The following NDUFAF5 variants were observed in gnomAD, a reference collection of about 807,000 sequenced individuals.
The protein encoded by NDUFAF5 is arginine-hydroxylase NDUFAF5, mitochondrial.
NDUFAF5 carries 34 observed loss-of-function variants against 48.9 expected under a neutral mutation model. The ratio of observed to expected loss-of-function variants is 0.70; its 90% CI spans 0.53 to 0.93. The LOEUF (loss-of-function observed/expected upper bound fraction) is 0.93, where lower values mean the gene tolerates loss of function less well. Ranked by LOEUF, NDUFAF5 falls within the 40% of genes least tolerant of loss-of-function variation. The probability of loss-of-function intolerance (pLI) is 0.00; values close to 1 mark genes in which losing one functional copy is unlikely to be tolerated. For synonymous variants in NDUFAF5, 153 were observed against 150.6 expected (o/e 1.02, Z -0.12); for missense variants, 428 against 427.5 (o/e 1.00, Z -0.01).
intron 3 of NDUFAF5, among the ~76,000 whole-genome samples, chr20:13,789,599 C>T (rs1193699551): frequency 1.3e-5 from 2 of 152,140 alleles, no homozygotes; most frequent in African/African-American, 4.8e-5. Flanking sequence ...CCTCAGCCTC[C>T]CGAGTACCTG....
At chr20:13,809,590 A>G (rs1392764253) in intron 8 of NDUFAF5, among the ~76,000 whole-genome samples, 1 of 152,222 alleles carries the variant, frequency 6.6e-6, no homozygotes, top group Non-Finnish European at 1.5e-5. Flanking sequence ...TGAGTCACAG[A>G]TCAAATGCAG....
intron 8 of NDUFAF5, among the ~76,000 whole-genome samples, chr20:13,809,294 T>A (rs1184099277): frequency 6.6e-6 from 1 of 152,050 alleles, no homozygotes; most frequent in Non-Finnish European, 1.5e-5. Flanking sequence ...TGAAGGTAGT[T>A]GAGTTGGTTT....
chr20:13,798,426 TTAAGC>T (rs1218294951), intron 5 of NDUFAF5, 30 bp from the exon 6 acceptor site: 2 of 1,536,272 alleles, frequency 1.3e-6, no homozygotes, highest in African/African-American at 2.7e-5. Context: ...ATTGTGCCAG[TTAAGC>T]TAAAACAAAT....
chr20:13,808,194 G>C (rs1730522835), intron 7 of NDUFAF5, among the ~76,000 whole-genome samples: 4 of 151,968 alleles, frequency 2.6e-5, no homozygotes, highest in Admixed American at 2.6e-4. Flanking sequence ...TCCTTTCTTT[G>C]GCCAAAAGAA....
rs1042487275 is a variant in NDUFAF5, at chr20:13,801,795, C to G, written c.717+112C>G. 6 of 920,728 alleles carry G rather than the reference C, an allele frequency of 6.5e-6. No homozygotes were observed. In the African/African-American group the frequency reaches 8.3e-5, roughly 13 times the overall value. 57.0% of individuals were successfully genotyped at this position (920,728 alleles called of 1,614,324 possible). A position where few individuals can be genotyped will look rare whatever the true frequency, so the allele number is the denominator to read the frequency against. On this transcript the variant is annotated intron_variant, in intron 7 of 10. Transcript: ENST00000378106. Reference sequence around the variant, plus strand: ...CATGGTTTCATGGCACTCTTTCTCTCCCTTTTTTTTTCTCTTTTTAAGGGA... The same window carrying G: ...CATGGTTTCATGGCACTCTTTCTCTGCCTTTTTTTTTCTCTTTTTAAGGGA...
At chr20:13,814,181 A>T (rs1304572886) in intron 8 of NDUFAF5, 6 of 330,538 alleles carry the variant, frequency 1.8e-5, no homozygotes, top group Non-Finnish European at 3.6e-5. Flanking sequence ...CCTGATTTGT[A>T]TGCTGAAATC....
chr20:13,802,490 G>GA (rs1984321407), intron 7 of NDUFAF5, among the ~76,000 whole-genome samples: 1 of 152,018 alleles, frequency 6.6e-6, no homozygotes, highest in African/African-American at 2.4e-5. Flanking sequence ...CCAACGTAGT[G>GA]AAACCCCGTC....
chr20:13,813,903 A>AT (rs780158798), intron 8 of NDUFAF5, among the ~76,000 whole-genome samples: 36 of 152,046 alleles, frequency 2.4e-4, no homozygotes, highest in Admixed American at 8.5e-4. Context: ...AGGCTTCTAG[A>AT]TTTTTTTCAG....
At chr20:13,789,288 C>G (rs1273933556) in intron 3 of NDUFAF5, among the ~76,000 whole-genome samples, 1 of 151,854 alleles carries the variant, frequency 6.6e-6, no homozygotes, top group Non-Finnish European at 1.5e-5. Context: ...CCGCAGCCTC[C>G]CAAGTAGCTG....
intron 5 of NDUFAF5, among the ~76,000 whole-genome samples, chr20:13,796,795 G>A (rs550524793): frequency 1.3e-5 from 2 of 152,260 alleles, no homozygotes; most frequent in African/African-American, 2.4e-5. Context: ...CCTGGGCTAC[G>A]TGGTGAAACC....
intron 7 of NDUFAF5, among the ~76,000 whole-genome samples, chr20:13,804,855 C>T (rs8116555): frequency 0.03 from 4,524 of 152,126 alleles, 227 homozygotes; most frequent in African/African-American, 0.1. Flanking sequence ...AACTTTAGAC[C>T]GTTCAATAAT....
intron 6 of NDUFAF5, among the ~76,000 whole-genome samples, chr20:13,799,476 A>C (rs1488218581): frequency 1.3e-5 from 2 of 152,116 alleles, no homozygotes; most frequent in African/African-American, 4.8e-5. Flanking sequence ...AGGTGGTTGC[A>C]TCACCTGAGG....
At position 13,804,601 on chromosome 20, in the gene NDUFAF5, C is replaced by T. The variant is rs1984724704; in HGVS notation, c.717+2918C>T. Among the ~76,000 whole-genome samples, 6 of 152,252 alleles carry T rather than the reference C, an allele frequency of 3.9e-5. No individual in the cohort carries two copies. The South Asian group carries it at 1.2e-3, about 32-fold the overall frequency. On this transcript the variant is annotated intron_variant, in intron 7 of 10. Coordinates refer to ENST00000378106, the MANE Select transcript of NDUFAF5 (RefSeq NM_024120.5). Reference sequence around the variant, plus strand: ...CATATTATTTCCTAGTATGAATGTACCACAGTTTTACTTAACTATTTACCT... The same window carrying T: ...CATATTATTTCCTAGTATGAATGTATCACAGTTTTACTTAACTATTTACCT...
At position 13,793,193 on chromosome 20, in the gene NDUFAF5, A is replaced by G. The variant is rs867225452; in HGVS notation, c.341A>G (p.Lys114Arg). ...ATTCCATTGCAGGAAACTATTGGAA[A>G]GTTTTTCCAAGCTGACATTGCAGAA... is the stretch of plus-strand genomic sequence containing the variant. ...AQYLNKETIG[K>R]FFQADIAENA... is the part of the protein sequence containing the mutation. The change falls in exon 4 of 11, where the codon AAG (lysine) becomes AGG (arginine). Residue 114 changes from lysine to arginine, a missense_variant. By Grantham distance (26) the Lys-to-Arg change is conservative. Coordinates refer to ENST00000378106, the MANE Select transcript of NDUFAF5 (RefSeq NM_024120.5). The G allele has an allele frequency of 6.2e-7, 1 of 1,613,958 alleles. No homozygotes were observed. The highest frequency in any genetic ancestry group is 1.7e-5 in the Admixed American group (1 of 60,020).
rs541835236 is a variant in NDUFAF5 at position 13,802,916 on chromosome 20, C to T, written c.717+1233C>T. On this transcript the variant is annotated intron_variant, in intron 7 of 10. Transcript: ENST00000378106. ...TTCTAAAGGATGTCATTACTCTCTT[C>T]AGAGATCAGTCCAGTAGACTTAATA... Among the ~76,000 whole-genome samples, 247 of 152,280 alleles carry T rather than the reference C, an allele frequency of 1.6e-3. 1 individual carries two copies. Among genetic ancestry groups the T allele is most frequent in the African/African-American group, 5.9e-3 (244 of 41,542 alleles).
At position 13,818,043 on chromosome 20, in the gene NDUFAF5, A is replaced by G. The variant is rs1192304411; in HGVS notation, c.*833A>G. 4.5e-6 allele frequency: 2 copies of G among 447,122 alleles called. No homozygotes were observed. Among genetic ancestry groups the G allele is most frequent in the East Asian group, 7.0e-5 (1 of 14,254 alleles). 27.7% of individuals were successfully genotyped at this position (447,122 alleles called of 1,614,324 possible). On this transcript the variant is annotated 3_prime_UTR_variant, in exon 11 of 11. Transcript: ENST00000378106. Reference sequence around the variant, plus strand: ...CAGTTAGCTGTTCGCTGTCTTTTCCATTTAACCTGGGCACTGCCCTAGCCT... The same window carrying G: ...CAGTTAGCTGTTCGCTGTCTTTTCCGTTTAACCTGGGCACTGCCCTAGCCT...
intron 8 of NDUFAF5, chr20:13,812,858 C>T (rs1007929448): frequency 1.3e-5 from 2 of 152,212 alleles, no homozygotes; most frequent in Non-Finnish European, 2.9e-5. Context: ...ATTTTAACCA[C>T]CATCCTGAAC....
intron 2 of NDUFAF5, among the ~76,000 whole-genome samples, chr20:13,788,221 G>C (rs191291374): frequency 1.3e-5 from 2 of 152,332 alleles, no homozygotes; most frequent in East Asian, 3.9e-4. Flanking sequence ...AGAAGTCTGA[G>C]AAATAGGGAT....
In NDUFAF5 at chr20:13,817,173, TAAAC is replaced by T. The variant is rs758768503; in HGVS notation, c.1004_1007del (p.Asn335ThrfsTer37). The T allele has an allele frequency of 3.7e-6, 6 of 1,613,804 alleles. No individual in the cohort carries two copies. The highest frequency in any genetic ancestry group is 3.3e-4 in the Middle Eastern group (2 of 6,080). On this transcript the variant is annotated frameshift_variant, in exon 11 of 11. Transcript: ENST00000378106. LOFTEE classifies it high-confidence loss of function. ...GTGTCATTTGGAGAGCTAGGAAAAA[TAAAC>T]AACCTTATGCCACCGGGGAAAAAAT...
Sources: allele counts gnomAD v4.1 joint callset (sites outside exome capture counted in the v4.1 genomes callset), GRCh38; gene constraint gnomAD v4.1.1; transcripts MANE v1.5; gene names NCBI Gene and HGNC (gene_info 2026-07-23, HGNC 2026-07-21).